Variants in TFDP1 observed in about 807,000 individuals in gnomAD.
TFDP1 encodes DRTF1-polypeptide 1.
TFDP1 carries 6 observed loss-of-function variants against 48.0 expected under a neutral mutation model. The observed-to-expected ratio is 0.13, with a 90% CI of 0.07 to 0.25. TFDP1 has a LOEUF of 0.25. Among genes scored for constraint, TFDP1 ranks in the 10% least tolerant of loss-of-function variants. TFDP1 has a pLI of 1.00. For synonymous variants in TFDP1, 201 were observed against 211.6 expected (o/e 0.95, Z 0.44); for missense variants, 335 against 543.0 (o/e 0.62, Z 3.81).
chr13:113,597,705 C>G (rs1245058428), intron 2 of TFDP1, among the ~76,000 whole-genome samples: 2 of 152,244 alleles, frequency 1.3e-5, no homozygotes, highest in African/African-American at 4.8e-5. Flanking sequence ...GAGCACCTCA[C>G]AGGCCTGGGC....
At chr13:113,585,123 CAGCAGCGTCCGCGCCCCACGCTGGA>C (rs2047965629) in intron 1 of TFDP1, 1 of 147,008 alleles carries the variant, frequency 6.8e-6, no homozygotes, top group Non-Finnish European at 1.5e-5. Flanking sequence ...TCCCGGCCGA[CAGCAGCGTCCGCGCCCCACGCTGGA>C]GGTGGGGCCG....
chr13:113,639,779 G>A (rs141722881), intron 11 of TFDP1, among the ~76,000 whole-genome samples: 8 of 152,286 alleles, frequency 5.3e-5, no homozygotes, highest in Non-Finnish European at 7.4e-5. Flanking sequence ...TGAAAGTCCC[G>A]GAGGGAGGGA....
rs376094835 is a variant in TFDP1 at position 113,610,327 on chromosome 13, CTG to C, written c.13-667_13-666del. ...GTCACGTGTGTGCCCTGACGTGTGA[CTG>C]TACTGTCATGCGTGTGCCCCCACCG... On this transcript the variant is annotated intron_variant, in intron 2 of 11. Coordinates refer to ENST00000375370, the MANE Select transcript of TFDP1 (RefSeq NM_007111.5). Among the ~76,000 whole-genome samples, 609 of 151,584 alleles carry C rather than the reference CTG, an allele frequency of 4.0e-3. 7 individuals carry two copies. Among genetic ancestry groups the C allele is most frequent in the African/African-American group, 0.014 (574 of 41,334 alleles).
chr13:113,636,776 G>A (rs930036017), intron 10 of TFDP1, 76 bp downstream of exon 10: 21 of 1,512,578 alleles, frequency 1.4e-5, no homozygotes, highest in Admixed American at 6.1e-5. Context: ...CTCCCCTCCC[G>A]GCTCGGGATG....
At chr13:113,600,375 A>G (rs2048386767) in intron 2 of TFDP1, among the ~76,000 whole-genome samples, 2 of 82,644 alleles carry the variant, frequency 2.4e-5, no homozygotes, top group Non-Finnish European at 4.5e-5. Context: ...GGACCGCGAT[A>G]GAGAACCCAG....
At chr13:113,616,858 C>G (rs1227164937) in intron 3 of TFDP1, among the ~76,000 whole-genome samples, 1 of 152,196 alleles carries the variant, frequency 6.6e-6, no homozygotes, top group Non-Finnish European at 1.5e-5. Context: ...CAGCCTCCTA[C>G]AAAACTGTCA....
chr13:113,615,258 C>T (rs941628144), intron 3 of TFDP1, among the ~76,000 whole-genome samples: 1 of 152,238 alleles, frequency 6.6e-6, no homozygotes, highest in Non-Finnish European at 1.5e-5. Flanking sequence ...GTGTGTCTGG[C>T]AGTTCCACTT....
chr13:113,622,616 G>A (rs892227068), intron 3 of TFDP1, among the ~76,000 whole-genome samples: 14 of 152,186 alleles, frequency 9.2e-5, no homozygotes, highest in African/African-American at 2.4e-4. Flanking sequence ...TTTGCATACC[G>A]CTGTTGGAAG....
At chr13:113,596,462 G>A (rs1466123951) in intron 2 of TFDP1, among the ~76,000 whole-genome samples, 1 of 152,176 alleles carries the variant, frequency 6.6e-6, no homozygotes, top group Non-Finnish European at 1.5e-5. Context: ...CCCGAGTTGA[G>A]CTGGCTGTGG....
intron 4 of TFDP1, among the ~76,000 whole-genome samples, chr13:113,625,588 G>C (rs181384780): frequency 7.3e-4 from 39 of 53,272 alleles, no homozygotes; most frequent in East Asian, 9.2e-4. Context: ...GTGTTTCTCA[G>C]GTGTCTCTCA....
intron 4 of TFDP1, 101 bp from the exon 5 acceptor site, chr13:113,631,521 AG>A (rs1372157759): frequency 1.9e-5 from 27 of 1,454,884 alleles, no homozygotes; most frequent in Non-Finnish European, 2.7e-6. Flanking sequence ...ACTGTGGTTA[AG>A]GAAATTCAGC....
intron 4 of TFDP1, among the ~76,000 whole-genome samples, chr13:113,628,352 A>G (rs1040270904): frequency 1.3e-5 from 2 of 152,172 alleles, no homozygotes; most frequent in Non-Finnish European, 2.9e-5. Context: ...CTTTCTCTGA[A>G]GCGCAGCTTG....
chr13:113,623,427 C>A lies in TFDP1; in HGVS notation c.186+141C>A. 1.3e-6 allele frequency: 1 copy of A among 763,208 alleles called. No homozygotes were observed. Among genetic ancestry groups the A allele is most frequent in the Non-Finnish European group, 2.1e-6 (1 of 474,454 alleles). 47.3% of individuals were successfully genotyped at this position (763,208 alleles called of 1,614,324 possible). A position where few individuals can be genotyped will look rare whatever the true frequency, so the allele number is the denominator to read the frequency against. Reference sequence around the variant, plus strand: ...GGGGCCTTTCCCTCATCAGGGAGCCCGTGGCCAGTGCTAGATTTTCCATAG... The same window carrying A: ...GGGGCCTTTCCCTCATCAGGGAGCCAGTGGCCAGTGCTAGATTTTCCATAG... On this transcript the variant is annotated intron_variant, in intron 4 of 11. Coordinates refer to ENST00000375370, the MANE Select transcript of TFDP1 (RefSeq NM_007111.5). This position sits in a 1 kb window ranked among gnomAD's most constrained non-coding sequence, Gnocchi z 5.2.
intron 10 of TFDP1, 168 bp from the exon 11 acceptor site, chr13:113,637,650 G>T: frequency 6.5e-7 from 1 of 1,539,320 alleles, no homozygotes; most frequent in Non-Finnish European, 8.7e-7. Context: ...TGCACAGCGG[G>T]ATGTCCTGCT....
rs1286881134 is a variant in TFDP1 at position 113,640,299 on chromosome 13, A to G, written c.*32A>G. On this transcript the variant is annotated 3_prime_UTR_variant, in exon 12 of 12. Transcript: ENST00000375370. ...CCCCACTTCAGATTCGGCTTCAGGA[A>G]AACGTTTAGCGAAAAGAAACTTTTT... The G allele has an allele frequency of 1.3e-6, 2 of 1,594,224 alleles. No individual in the cohort carries two copies. Among genetic ancestry groups the G allele is most frequent in the East Asian group, 4.5e-5 (2 of 44,162 alleles).
chr13:113,601,627 G>A (rs943250330), intron 2 of TFDP1, among the ~76,000 whole-genome samples: 1 of 152,238 alleles, frequency 6.6e-6, no homozygotes, highest in Non-Finnish European at 1.5e-5. Context: ...TTTGTTCCCA[G>A]GTGTGCTCTC....
intron 4 of TFDP1, 45 bp from the exon 5 acceptor site, chr13:113,631,578 G>A (rs368971696): frequency 1.2e-5 from 19 of 1,586,998 alleles, no homozygotes; most frequent in African/African-American, 1.1e-4. Context: ...CACCCTCGCC[G>A]TGTGGGAGGG....
intron 2 of TFDP1, among the ~76,000 whole-genome samples, chr13:113,589,233 AT>A (rs1448407932): frequency 6.6e-6 from 1 of 152,140 alleles, no homozygotes; most frequent in Non-Finnish European, 1.5e-5. Flanking sequence ...TTCAAATGGA[AT>A]ATTTGTGTTT....
intron 3 of TFDP1, among the ~76,000 whole-genome samples, chr13:113,618,301 C>T (rs1052822742): frequency 2.0e-5 from 3 of 152,162 alleles, no homozygotes; most frequent in Non-Finnish European, 2.9e-5. Context: ...GCGGGTGGAT[C>T]GCTTGAACTC....
Sources: gnomAD v4.1 joint callset for allele counts (sites outside exome capture counted in the v4.1 genomes callset) on GRCh38, gnomAD v4.1.1 for gene constraint, Gnocchi (gnomAD v3.1) non-coding constraint, MANE v1.5 for transcripts, NCBI Gene and HGNC (gene_info 2026-07-23, HGNC 2026-07-21) for gene names.